EARS2: variants seen among roughly 807,000 people sequenced by gnomAD.
EARS2 encodes glutamyl-tRNA synthetase 2, mitochondrial.
EARS2 carries 50 observed loss-of-function variants against 54.1 expected under a neutral mutation model. The observed-to-expected ratio is 0.92, with a 90% confidence interval of 0.74 to 1.17. The LOEUF (loss-of-function observed/expected upper bound fraction) is 1.17, where lower values mean the gene tolerates loss of function less well. EARS2 is among the 50% of genes most tolerant of loss of function. The pLI is 0.00. For missense variants in EARS2, 673 were observed against 675.0 expected, an observed-to-expected ratio of 1.00 and a Z score of 0.03; for synonymous variants, 298 against 281.0, an observed-to-expected ratio of 1.06 and a Z score of -0.61.
chr16:23,531,683 T>G (rs1469806853), intron 5 of EARS2, among the ~76,000 whole-genome samples: 1 of 152,194 alleles, frequency 6.6e-6, no homozygotes, highest in Middle Eastern at 3.2e-3. Context: ...CCCTAAAATA[T>G]CTGCAACTGA....
At chr16:23,543,193 A>T (rs1169458465) in intron 3 of EARS2, among the ~76,000 whole-genome samples, 1 of 146,560 alleles carries the variant, frequency 6.8e-6, no homozygotes, top group Non-Finnish European at 1.5e-5. Flanking sequence ...CCAAGGTGGG[A>T]GGATTGCTTG....
intron 1 of EARS2, among the ~76,000 whole-genome samples, chr16:23,554,614 G>A (rs1965747144): frequency 6.6e-6 from 1 of 152,198 alleles, no homozygotes; most frequent in Admixed American, 6.5e-5. Flanking sequence ...CAACACTGAT[G>A]TGTGTAACCT....
At chr16:23,554,191 T>G (rs947706655) in intron 1 of EARS2, among the ~76,000 whole-genome samples, 1 of 146,278 alleles carries the variant, frequency 6.8e-6, no homozygotes, top group Non-Finnish European at 1.5e-5. Flanking sequence ...TGTTTTTTGG[T>G]TTTTTTTTTG....
intron 7 of EARS2, among the ~76,000 whole-genome samples, chr16:23,528,128 C>CCCT (rs1965262198): frequency 6.6e-6 from 1 of 152,130 alleles, no homozygotes; most frequent in Non-Finnish European, 1.5e-5. Flanking sequence ...ACTGAATCGG[C>CCCT]GGCACCTTGA....
At position 23,520,847 on chromosome 16, in the gene EARS2, G is replaced by A. The variant is rs1965136480; in HGVS notation, c.*3524C>T. On this transcript the variant is annotated 3_prime_UTR_variant, in exon 9 of 9. Transcript: ENST00000449606. The stretch of plus-strand genomic sequence containing the variant: ...TCTGTTCCCCAGGCTGGAGTACAAT[G>A]GTGTGATCTTGGCTCACTGCAACCT... Among the ~76,000 whole-genome samples, 1 of 152,076 alleles carries A rather than the reference G, an allele frequency of 6.6e-6. No individual in the cohort carries two copies. The highest frequency in any genetic ancestry group is 1.5e-5 in the Non-Finnish European group (1 of 68,020).
intron 2 of EARS2, chr16:23,545,138 G>A (rs535591419): frequency 8.2e-5 from 13 of 159,388 alleles, no homozygotes; most frequent in Non-Finnish European, 1.5e-4. Context: ...CACTGCACCC[G>A]GCCCAATGTC....
chr16:23,524,642 C>T (rs1015044314), intron 8 of EARS2, among the ~76,000 whole-genome samples, 188 bp from the exon 9 acceptor site: 3 of 149,816 alleles, frequency 2.0e-5, no homozygotes, highest in Non-Finnish European at 4.4e-5. Context: ...CTCCAACCAC[C>T]GCCCTTTTTT....
At chr16:23,546,951 A>G (rs13337717) in intron 2 of EARS2, among the ~76,000 whole-genome samples, 14,764 of 152,190 alleles carry the variant, frequency 0.097, 1,155 homozygotes, top group African/African-American at 0.21. Context: ...ATTTGGGGGG[A>G]TCCCTTCCTG....
intron 5 of EARS2, among the ~76,000 whole-genome samples, chr16:23,531,424 C>A (rs1965325339): frequency 6.6e-6 from 1 of 152,074 alleles, no homozygotes; most frequent in African/African-American, 2.4e-5. Context: ...CCACACCCGG[C>A]TAAGTTTTTT....
rs559680939 is a variant in EARS2, at chr16:23,556,035, T to C, written c.139+1170A>G. On this transcript the variant is annotated intron_variant, in intron 1 of 8. Coordinates refer to ENST00000449606, the MANE Select transcript of EARS2 (RefSeq NM_001083614.2). ...TGTGCAAATATTGATACACAATTGA[T>C]TGGAAATTTAAAACCAGCACTTCCA... 3.3e-5 allele frequency among the ~76,000 whole-genome samples: 5 copies of C among 152,334 alleles called. No individual in the cohort carries two copies. The East Asian group carries it at 9.6e-4, about 29-fold the overall frequency.
intron 5 of EARS2, among the ~76,000 whole-genome samples, chr16:23,530,452 ATTTTT>A (rs1465998231): frequency 2.6e-5 from 4 of 152,034 alleles, no homozygotes; most frequent in Non-Finnish European, 5.9e-5. Context: ...CTGACCTTTT[ATTTTT>A]ATTTATTTAT....
At chr16:23,542,316 C>CATT in intron 3 of EARS2, among the ~76,000 whole-genome samples, 1 of 93,698 alleles carries the variant, frequency 1.1e-5, no homozygotes, top group East Asian at 3.6e-4. Context: ...TTTCATTTTT[C>CATT]TTTTTTTTTT....
chr16:23,557,186 T>C lies in EARS2; in HGVS notation c.139+19A>G, dbSNP rs982707273. 8 of 1,505,896 alleles carry C rather than the reference T, an allele frequency of 5.3e-6. No homozygotes were observed. Among genetic ancestry groups the C allele is most frequent in the Non-Finnish European group, 6.2e-6 (7 of 1,136,872 alleles). 93.3% of individuals were successfully genotyped at this position (1,505,896 alleles called of 1,614,324 possible). A position where few individuals can be genotyped will look rare whatever the true frequency, so the allele number is the denominator to read the frequency against. On this transcript the variant is annotated intron_variant, in intron 1 of 8. Coordinates refer to ENST00000449606, the MANE Select transcript of EARS2 (RefSeq NM_001083614.2). ...GGACAGGGGGCCTCGGCCTGTAGCG[T>C]CACGTCCGCCAGGGTTACCTGTGGG...
chr16:23,547,609 A>G (rs1027087257), intron 2 of EARS2, among the ~76,000 whole-genome samples: 5 of 152,096 alleles, frequency 3.3e-5, no homozygotes, highest in Non-Finnish European at 5.9e-5. Context: ...GGTTCAAGCA[A>G]TTCTCCTGCC....
chr16:23,553,057 C>T lies in EARS2; in HGVS notation c.140-753G>A, dbSNP rs1344310194. The T allele has an allele frequency of 8.5e-5, 34 of 400,082 alleles. No homozygotes were observed. The Admixed American group carries it at 8.6e-4, about 10-fold the overall frequency. 24.8% of individuals were successfully genotyped at this position (400,082 alleles called of 1,614,324 possible). On this transcript the variant is annotated intron_variant, in intron 1 of 8. Transcript: ENST00000449606. ...TGGGAGGATCACCTGAGCCTGGGGA[C>T]GCTGAGGCTGCAGCGAGCCATGATC...
chr16:23,546,953 C>T (rs957394301), intron 2 of EARS2, among the ~76,000 whole-genome samples: 1 of 152,202 alleles, frequency 6.6e-6, no homozygotes, highest in Non-Finnish European at 1.5e-5. Context: ...TTGGGGGGAT[C>T]CCTTCCTGAT....
At chr16:23,536,036 T>C (rs775990118) in intron 3 of EARS2, among the ~76,000 whole-genome samples, 4 of 152,192 alleles carry the variant, frequency 2.6e-5, no homozygotes, top group Non-Finnish European at 5.9e-5. Context: ...ATGTCTATGA[T>C]TGATGCCCTG....
chr16:23,543,730 C>CA lies in EARS2; in HGVS notation c.485+783dup, dbSNP rs565590236. On this transcript the variant is annotated intron_variant, in intron 3 of 8. Coordinates refer to ENST00000449606, the MANE Select transcript of EARS2 (RefSeq NM_001083614.2). ...CCTGGGCGACAGAGTGAGACTGTCT[C>CA]AAAAAAAAAAAAAAAAAGCCACAAC... 6.7e-3 allele frequency among the ~76,000 whole-genome samples: 390 copies of CA among 58,470 alleles called. 1 individual carries two copies. Among genetic ancestry groups the CA allele is most frequent in the African/African-American group, 0.011 (181 of 16,324 alleles). 38.4% of individuals were successfully genotyped at this position (58,470 alleles called of 152,430 possible).
chr16:23,552,129 C>T lies in EARS2; in HGVS notation c.295+20G>A. On this transcript the variant is annotated intron_variant, in intron 2 of 8. Coordinates refer to ENST00000449606, the MANE Select transcript of EARS2 (RefSeq NM_001083614.2). ...TCCTGTTCCTTCCCTGCAGAAAGATCCTTTCTCTGCCAGGCTTACCTGCCC... is the reference window on the plus strand; with the variant it reads ...TCCTGTTCCTTCCCTGCAGAAAGATTCTTTCTCTGCCAGGCTTACCTGCCC... The T allele has an allele frequency of 6.2e-7, 1 of 1,609,028 alleles. No homozygotes were observed. Among genetic ancestry groups the T allele is most frequent in the Non-Finnish European group, 8.5e-7 (1 of 1,176,342 alleles).
Sources: gnomAD v4.1 joint callset for allele counts (sites outside exome capture counted in the v4.1 genomes callset) on GRCh38, gnomAD v4.1.1 for gene constraint, MANE v1.5 for transcripts, NCBI Gene and HGNC (gene_info 2026-07-23, HGNC 2026-07-21) for gene names.